The following DDHD1 variants were observed in gnomAD, a reference collection of about 807,000 sequenced individuals.
DDHD1 encodes the protein DDHD domain containing 1.
A neutral mutation model predicts 96.4 loss-of-function variants in DDHD1; 49 were observed. That is an observed-to-expected ratio of 0.51 (90% CI 0.40 to 0.64). The LOEUF is 0.64. Ranked by LOEUF, DDHD1 falls within the 30% of genes least tolerant of loss-of-function variation. The pLI is 0.00. For missense variants in DDHD1, 1,106 were observed against 1,161.2 expected (o/e 0.95, Z 0.69); for synonymous variants, 442 against 446.5 (o/e 0.99, Z 0.13).
At chr14:53,111,188 G>A (rs2139755337) in intron 1 of DDHD1, among the ~76,000 whole-genome samples, 1 of 152,306 alleles carries the variant, frequency 6.6e-6, no homozygotes, top group African/African-American at 2.4e-5. Flanking sequence ...GGGCGCGGTG[G>A]CTCACGCCTA....
intron 1 of DDHD1, among the ~76,000 whole-genome samples, chr14:53,138,654 G>A (rs1595255585): frequency 6.6e-6 from 1 of 152,108 alleles, no homozygotes; most frequent in Non-Finnish European, 1.5e-5. Flanking sequence ...AAAATAATAT[G>A]TAAGTACTTG....
chr14:53,151,160 C>CG lies in DDHD1; in HGVS notation c.838+1100dup, dbSNP rs753250739. Among the ~76,000 whole-genome samples the CG allele has an allele frequency of 2.2e-3, 334 of 152,200 alleles. 1 individual carries two copies. Among genetic ancestry groups the CG allele is most frequent in the Non-Finnish European group, 3.6e-3 (243 of 68,014 alleles). On this transcript the variant is annotated intron_variant, in intron 1 of 12. Transcript: ENST00000673822. ...TATCAGAGTACAAAGATAAAGGTGA[C>CG]GGGCTCTGCCGATGGTAAGGTCCTA...
chr14:53,063,151 G>C lies in DDHD1; in HGVS notation c.1558C>G (p.Arg520Gly). Residue 520 changes from arginine (R) to glycine (G), a missense_variant, in exon 7 of 13, where the codon CGG becomes GGG. This residue lies in a region of DDHD1 where 650 missense variants were observed against 758.8 expected (regional missense o/e 0.86). Coordinates refer to ENST00000673822, the MANE Select transcript of DDHD1 (RefSeq NM_001160148.2). ...LNRLYSLFCS[R>G]NPDFEEKGGK... ...CCTTTTTCTTCAAAGTCTGGATTCC[G>C]AGAACAGAAAAGGGAATACAATCGA... is the stretch of plus-strand genomic sequence containing the variant. 6.2e-7 allele frequency: 1 copy of C among 1,613,898 alleles called. No individual in the cohort carries two copies. The highest frequency in any genetic ancestry group is 8.5e-7 in the Non-Finnish European group (1 of 1,179,956).
At chr14:53,108,029 C>T (rs1003668996) in intron 1 of DDHD1, among the ~76,000 whole-genome samples, 1 of 152,206 alleles carries the variant, frequency 6.6e-6, no homozygotes, top group Non-Finnish European at 1.5e-5. Flanking sequence ...GGTCCCCTCC[C>T]TTTGTATGGG....
chr14:53,047,280 C>T (rs138472419), intron 12 of DDHD1, among the ~76,000 whole-genome samples: 267 of 152,226 alleles, frequency 1.8e-3, no homozygotes, highest in African/African-American at 6.2e-3. Flanking sequence ...AATCCTTGTG[C>T]CTAATCTATA....
At chr14:53,128,342 A>T (rs1399316982) in intron 1 of DDHD1, among the ~76,000 whole-genome samples, 1 of 152,220 alleles carries the variant, frequency 6.6e-6, no homozygotes, top group Non-Finnish European at 1.5e-5. Context: ...ATGGAAACTT[A>T]TGTCTCACAT....
chr14:53,078,415 T>C (rs1885154364), intron 4 of DDHD1, among the ~76,000 whole-genome samples: 1 of 152,174 alleles, frequency 6.6e-6, no homozygotes, highest in Non-Finnish European at 1.5e-5. Flanking sequence ...GCCATTTGTA[T>C]ATCCTATTTC....
chr14:53,103,954 C>CA, intron 1 of DDHD1, 98 bp from the exon 2 acceptor site: 2 of 1,072,848 alleles, frequency 1.9e-6, no homozygotes, highest in Non-Finnish European at 2.6e-6. Context: ...ACTGCTGTCA[C>CA]AAAAACAGAT....
intron 1 of DDHD1, among the ~76,000 whole-genome samples, chr14:53,139,086 A>C (rs1032899709): frequency 3.2e-3 from 267 of 83,080 alleles, no homozygotes; most frequent in African/African-American, 7.3e-3. Context: ...AAAAAAAAAA[A>C]AAAACCACAC....
chr14:53,113,134 ATT>A (rs78231425), intron 1 of DDHD1, among the ~76,000 whole-genome samples: 3 of 141,170 alleles, frequency 2.1e-5, no homozygotes, highest in Admixed American at 1.4e-4. Flanking sequence ...TAACTTTTCT[ATT>A]TTTTTTTTTT....
At chr14:53,111,525 T>C (rs1300860262) in intron 1 of DDHD1, among the ~76,000 whole-genome samples, 1 of 152,246 alleles carries the variant, frequency 6.6e-6, no homozygotes, top group African/African-American at 2.4e-5. Flanking sequence ...TTGGTACCTG[T>C]GTACTGTAGA....
Position 53,042,310 on chromosome 14 carries a change from T to C in DDHD1, c.*4458A>G, listed in dbSNP as rs1881715356. ...TTTCTGACATGACACCTGTTAATAT[T>C]TGCAGAATATTATTGAGAAAAGAAT... is the stretch of plus-strand genomic sequence containing the variant. On this transcript the variant is annotated 3_prime_UTR_variant, in exon 13 of 13. Transcript: ENST00000673822. The C allele has an allele frequency of 6.6e-6, 1 of 152,182 alleles. No homozygotes were observed. The highest frequency in any genetic ancestry group is 6.5e-5 in the Admixed American group (1 of 15,270). The allele number at this position is 152,182 out of a possible 1,614,324, so 9.4% of individuals were successfully genotyped here.
intron 1 of DDHD1, among the ~76,000 whole-genome samples, chr14:53,142,188 T>C (rs1397592064): frequency 6.6e-6 from 1 of 152,236 alleles, no homozygotes; most frequent in East Asian, 1.9e-4. Context: ...GGATTCAAAC[T>C]AAGGGAATTT....
At chr14:53,093,235 AAT>A (rs1886586855) in intron 3 of DDHD1, 79 bp downstream of exon 3, 1 of 1,418,150 alleles carries the variant, frequency 7.1e-7, no homozygotes, top group Admixed American at 2.6e-5. Flanking sequence ...CTAAAAACAG[AAT>A]ATGAATTGTC....
chr14:53,129,464 G>A (rs964016824), intron 1 of DDHD1, among the ~76,000 whole-genome samples: 3 of 152,302 alleles, frequency 2.0e-5, no homozygotes, highest in Admixed American at 2.0e-4. Context: ...TCTGGTGCCG[G>A]TTACGGACTG....
At chr14:53,057,328 GGGGCATTTTTCTT>G (rs1204398907) in intron 9 of DDHD1, among the ~76,000 whole-genome samples, 1 of 151,922 alleles carries the variant, frequency 6.6e-6, no homozygotes, top group East Asian at 1.9e-4. Flanking sequence ...AAGTATTAAG[GGGGCATTTTTCTT>G]GTCTGAAAAT....
At chr14:53,082,556 C>T (rs1479030016) in intron 4 of DDHD1, among the ~76,000 whole-genome samples, 4 of 147,618 alleles carry the variant, frequency 2.7e-5, no homozygotes, top group South Asian at 2.1e-4. Flanking sequence ...GTCAGGAGTT[C>T]GAGACCAGCC....
At chr14:53,101,490 C>G (rs944484600) in intron 2 of DDHD1, among the ~76,000 whole-genome samples, 2 of 151,924 alleles carry the variant, frequency 1.3e-5, no homozygotes, top group African/African-American at 4.8e-5. Context: ...TCTAATGAAC[C>G]TCAAAGAATC....
Position 53,056,060 on chromosome 14 carries a change from C to T in DDHD1, c.1993-148G>A. On this transcript the variant is annotated intron_variant, in intron 9 of 12. Transcript: ENST00000673822. The stretch of plus-strand genomic sequence containing the variant: ...CAATAGCTATTTCAAACATGTATTT[C>T]TATTTGTTCACTGTTAATATGCACT... 3 of 694,252 alleles carry T rather than the reference C, an allele frequency of 4.3e-6. No homozygotes were observed. In the East Asian group the frequency reaches 8.2e-5, roughly 19 times the overall value. The allele number at this position is 694,252 out of a possible 1,614,324, so 43.0% of individuals were successfully genotyped here.
Sources: gnomAD v4.1 joint callset for allele counts (sites outside exome capture counted in the v4.1 genomes callset) on GRCh38, gnomAD v4.1.1 for gene constraint, gnomAD v4.1.1 regional missense constraint, MANE v1.5 for transcripts, NCBI Gene and HGNC (gene_info 2026-07-23, HGNC 2026-07-21) for gene names.